The following LIMCH1 variants were observed in gnomAD, a reference collection of about 807,000 sequenced individuals.
LIMCH1 encodes the protein LIM and calponin homology domains 1, also known as LIM and calponin homology domains-containing protein 1.
A neutral mutation model predicts 176.5 loss-of-function variants in LIMCH1; 113 were observed. The observed-to-expected ratio is 0.64, with a 90% confidence interval of 0.55 to 0.75. LIMCH1 has a LOEUF of 0.75. Among genes scored for constraint, LIMCH1 ranks in the 30% least tolerant of loss-of-function variants. LIMCH1 has a pLI of 0.00. For missense variants in LIMCH1, 1,674 were observed against 1,814.9 expected (o/e 0.92, Z 1.41); for synonymous variants, 619 against 645.9 (o/e 0.96, Z 0.63).
At position 41,676,604 on chromosome 4, in the gene LIMCH1, T is replaced by C. The variant is rs76265836; in HGVS notation, c.3519+142T>C. The C allele has an allele frequency of 4.4e-3, 2,958 of 666,528 alleles. 13 individuals are homozygous for C. Among genetic ancestry groups the C allele is most frequent in the Middle Eastern group, 0.01 (42 of 4,010 alleles). The allele number at this position is 666,528 out of a possible 1,614,324, so 41.3% of individuals were successfully genotyped here. On this transcript the variant is annotated intron_variant, in intron 23 of 31. Coordinates refer to ENST00000503057, the MANE Select transcript of LIMCH1 (RefSeq NM_001330672.2). ...GTGAGTCTCAAGTCAGTTCATTTTG[T>C]GTCCTTGTAACAGGGTACCCTGTGT...
chr4:41,571,926 T>TA (rs1023024290), intron 1 of LIMCH1, among the ~76,000 whole-genome samples: 3 of 152,172 alleles, frequency 2.0e-5, no homozygotes, highest in Non-Finnish European at 2.9e-5. Flanking sequence ...AGGGGTGCCT[T>TA]ATAGCAAGCA....
At chr4:41,363,698 C>T (rs2052522462) in intron 1 of LIMCH1, among the ~76,000 whole-genome samples, 1 of 152,038 alleles carries the variant, frequency 6.6e-6, no homozygotes, top group Non-Finnish European at 1.5e-5. Context: ...GAACGATTCC[C>T]CCACTTCAGC....
At chr4:41,470,210 T>G (rs1013840100) in intron 1 of LIMCH1, among the ~76,000 whole-genome samples, 1 of 152,228 alleles carries the variant, frequency 6.6e-6, no homozygotes. Context: ...CTTTTAGCTT[T>G]GTCAACGGAT....
At chr4:41,586,911 T>C (rs2086594925) in intron 1 of LIMCH1, among the ~76,000 whole-genome samples, 1 of 152,146 alleles carries the variant, frequency 6.6e-6, no homozygotes, top group Non-Finnish European at 1.5e-5. Flanking sequence ...GGTTGAGCAC[T>C]CTATTTCCCT....
intron 2 of LIMCH1, among the ~76,000 whole-genome samples, chr4:41,523,643 C>T (rs989379480): frequency 2.6e-5 from 4 of 152,168 alleles, no homozygotes; most frequent in African/African-American, 7.2e-5. Context: ...CCAATTACCC[C>T]GATGCTAACC....
chr4:41,626,795 C>T lies in LIMCH1; in HGVS notation c.813C>T (p.Asn271=), dbSNP rs529214620. The T allele has an allele frequency of 9.3e-5, 143 of 1,536,330 alleles. No homozygotes were observed. The highest frequency in any genetic ancestry group is 1.2e-4 in the Non-Finnish European group (137 of 1,146,942). ...CTTTCCTGACCCACCAACATGGCAA[C>T]GATTCAGAGGCAGAAGGTGAAGTTG... ...ENSFLTHQHG[N]DSEAEGEVVC... The change falls in exon 8 of 32, where the codon AAC becomes AAT. Residue 271 remains asparagine (N), a synonymous_variant. Coordinates refer to ENST00000503057, the MANE Select transcript of LIMCH1 (RefSeq NM_001330672.2).
At chr4:41,657,178 G>T (rs1181287697) in intron 18 of LIMCH1, among the ~76,000 whole-genome samples, 1 of 152,172 alleles carries the variant, frequency 6.6e-6, no homozygotes, top group Admixed American at 6.5e-5. Context: ...ATTCATTCAC[G>T]TCCAGGGATC....
intron 4 of LIMCH1, chr4:41,609,603 C>A (rs1383360203): frequency 4.4e-6 from 2 of 452,318 alleles, no homozygotes; most frequent in Non-Finnish European, 4.4e-6. Flanking sequence ...GTTAAGTCAT[C>A]CACCAGTCCT....
intron 7 of LIMCH1, among the ~76,000 whole-genome samples, chr4:41,626,150 CATCCTATGAGTGGTCGT>C (rs1481775666): frequency 6.6e-6 from 1 of 152,150 alleles, no homozygotes; most frequent in Non-Finnish European, 1.5e-5. Flanking sequence ...AGTTTAAGAC[CATCCTATGAGTGGTCGT>C]AAACTATCCC....
intron 20 of LIMCH1, among the ~76,000 whole-genome samples, chr4:41,666,011 A>G (rs2094809120): frequency 6.6e-6 from 1 of 152,228 alleles, no homozygotes; most frequent in African/African-American, 2.4e-5. Context: ...ACTGTTCGAC[A>G]GTGGTTGTTT....
chr4:41,594,846 G>T (rs2088424282), intron 1 of LIMCH1, among the ~76,000 whole-genome samples: 1 of 152,146 alleles, frequency 6.6e-6, no homozygotes, highest in Admixed American at 6.5e-5. Context: ...GAATCTGTGG[G>T]GGTCACAGTC....
At position 41,662,935 on chromosome 4, in the gene LIMCH1, A is replaced by G; in HGVS notation, c.3242A>G (p.Lys1081Arg). ...NDVSEEKDQK[K>R]PENEMSGKVE... ...GTGTCGGAAGAAAAAGACCAGAAGAAACCAGAAAATGAAATGAGTGGAAAG... is the reference window on the plus strand; with the variant it reads ...GTGTCGGAAGAAAAAGACCAGAAGAGACCAGAAAATGAAATGAGTGGAAAG... Residue 1081 changes from lysine to arginine, a missense_variant, in exon 20 of 32, where the codon AAA becomes AGA. Around this residue, in one of 3 missense-constraint regions of LIMCH1, gnomAD observed 1,015 missense variants for 1,102.5 expected, o/e 0.92. Coordinates refer to ENST00000503057, the MANE Select transcript of LIMCH1 (RefSeq NM_001330672.2). The G allele has an allele frequency of 1.9e-6, 3 of 1,614,064 alleles. No individual in the cohort carries two copies.
At chr4:41,567,792 A>C (rs1312985625) in intron 1 of LIMCH1, among the ~76,000 whole-genome samples, 2 of 152,140 alleles carry the variant, frequency 1.3e-5, no homozygotes, top group African/African-American at 4.8e-5. Flanking sequence ...TTTTTTTAGA[A>C]ATCTTGTGCT....
chr4:41,640,024 A>G lies in LIMCH1; in HGVS notation c.2126+1057A>G, dbSNP rs575540555. ...AAATTAAGTGTCTTCAGATTGTGCT[A>G]TTTTCATGTTTGTGTTCAAGATGTC... is the stretch of plus-strand genomic sequence containing the variant. On this transcript the variant is annotated intron_variant, in intron 14 of 31. Transcript: ENST00000503057. Among the ~76,000 whole-genome samples the G allele has an allele frequency of 7.4e-4, 112 of 152,204 alleles. 1 individual carries two copies. Among genetic ancestry groups the G allele is most frequent in the African/African-American group, 2.6e-3 (109 of 41,530 alleles).
At chr4:41,687,717 C>T in intron 28 of LIMCH1, 123 bp from the exon 29 acceptor site, 7 of 584,512 alleles carry the variant, frequency 1.2e-5, no homozygotes, top group South Asian at 5.4e-5. Flanking sequence ...ATGCTGTGGT[C>T]TTTGATTTGG....
chr4:41,360,153 G>C (rs1469486326), upstream of LIMCH1, among the ~76,000 whole-genome samples: 1 of 152,146 alleles, frequency 6.6e-6, no homozygotes, highest in Non-Finnish European at 1.5e-5. The surrounding 1 kb of genome is among the most constrained non-coding windows in gnomAD (Gnocchi z 4.5). Context: ...CTAGGACACA[G>C]GTAGCCTTCC....
At chr4:41,636,340 CT>C (rs35828085) in intron 13 of LIMCH1, among the ~76,000 whole-genome samples, 6,386 of 104,972 alleles carry the variant, frequency 0.061, 256 homozygotes, top group African/African-American at 0.15. Context: ...TGCTTTATTA[CT>C]TTTTTTTTTT....
At chr4:41,553,388 TA>T (rs2080805343) in intron 1 of LIMCH1, among the ~76,000 whole-genome samples, 1 of 152,170 alleles carries the variant, frequency 6.6e-6, no homozygotes. Flanking sequence ...GAAATCTTCC[TA>T]AAAGACTTAC....
At chr4:41,460,461 TATATATA>T (rs200961638) in intron 1 of LIMCH1, among the ~76,000 whole-genome samples, 1,700 of 140,172 alleles carry the variant, frequency 0.012, 125 homozygotes, top group African/African-American at 0.043. Context: ...TAATCATCTA[TATATATA>T]TATATATATA....
Sources: allele counts gnomAD v4.1 joint callset (sites outside exome capture counted in the v4.1 genomes callset), GRCh38; gene constraint gnomAD v4.1.1; regional missense constraint gnomAD v4.1.1; non-coding constraint Gnocchi (gnomAD v3.1); transcripts MANE v1.5; gene names NCBI Gene and HGNC (gene_info 2026-07-23, HGNC 2026-07-21).